SLC9C2: variants seen among roughly 807,000 people sequenced by gnomAD.
SLC9C2 encodes the protein solute carrier family 9 member C2 (putative), also known as sodium/hydrogen exchanger 11.
A neutral mutation model predicts 140.2 loss-of-function variants in SLC9C2; 75 were observed. The observed-to-expected ratio is 0.53, with a 90% CI of 0.44 to 0.65. SLC9C2 has a LOEUF of 0.65. SLC9C2 is among the 30% of genes least tolerant of loss of function. The probability of loss-of-function intolerance (pLI) is 0.00; values close to 1 mark genes in which losing one functional copy is unlikely to be tolerated. For synonymous variants in SLC9C2, 375 were observed against 420.9 expected (o/e 0.89, Z 1.34); for missense variants, 1,074 against 1,331.8 (o/e 0.81, Z 3.01).
chr1:173,526,209 A>G (rs946484243), intron 19 of SLC9C2, among the ~76,000 whole-genome samples: 1 of 152,250 alleles, frequency 6.6e-6, no homozygotes, highest in Non-Finnish European at 1.5e-5. Flanking sequence ...AAGTGGAGTG[A>G]CTGTAGATAC....
Position 173,502,208 on chromosome 1 carries a change from G to T in SLC9C2, c.3371+1058C>A, listed in dbSNP as rs61634578. 1.1e-3 allele frequency among the ~76,000 whole-genome samples: 169 copies of T among 147,264 alleles called. No homozygotes were observed. In the East Asian group the frequency reaches 0.015, roughly 13 times the overall value. On this transcript the variant is annotated intron_variant, in intron 27 of 27. Transcript: ENST00000367714. ...GAATCGCTTGAATCCAGGAAGCAAA[G>T]GTTGCAGTGAGTCAAGGTTGTGCCA...
At position 173,601,696 on chromosome 1, in the gene SLC9C2, T is replaced by C. The variant is rs746288232; in HGVS notation, c.81A>G (p.Glu27=). 35 of 1,613,980 alleles carry C rather than the reference T, an allele frequency of 2.2e-5. No homozygotes were observed. Among genetic ancestry groups the C allele is most frequent in the Non-Finnish European group, 3.0e-5 (35 of 1,179,982 alleles). The stretch of plus-strand genomic sequence containing the variant: ...ATACAAGCGTTGTGAAATGTTTCTC[T>C]TCAACAAGGTAGTCAGCTGGCTGCC... ...LCGQPADYLV[E]EKHFTTLVCF... is the part of the protein sequence containing the mutation. Residue 27 remains glutamate, a synonymous_variant, in exon 2 of 28, where the codon GAA becomes GAG. Coordinates refer to ENST00000367714, the MANE Select transcript of SLC9C2 (RefSeq NM_178527.4).
chr1:173,515,265 T>C (rs1480444658), intron 23 of SLC9C2, among the ~76,000 whole-genome samples: 2 of 152,194 alleles, frequency 1.3e-5, no homozygotes, highest in Admixed American at 1.3e-4. Flanking sequence ...TCCAACTTGG[T>C]TTCATTCTCC....
At position 173,557,430 on chromosome 1, in the gene SLC9C2, G is replaced by A. The variant is rs865793140; in HGVS notation, c.1125C>T (p.Ile375=). 6.2e-7 allele frequency: 1 copy of A among 1,613,826 alleles called. No homozygotes were observed. Among genetic ancestry groups the A allele is most frequent in the East Asian group, 2.2e-5 (1 of 44,850 alleles). Residue 375 remains isoleucine, a synonymous_variant, in exon 10 of 28, where the codon ATC becomes ATT. Transcript: ENST00000367714. ...YEYNWRWGVV[I]TWSGIKGVFN... is the part of the protein sequence containing the mutation. ...AAACTCCTTTAATTCCAGACCACGT[G>A]ATTACAACTCCCCATCGCCAATTAT... is the stretch of plus-strand genomic sequence containing the variant.
intron 9 of SLC9C2, among the ~76,000 whole-genome samples, chr1:173,568,872 T>C (rs1242570963): frequency 6.6e-6 from 1 of 152,220 alleles, no homozygotes; most frequent in Non-Finnish European, 1.5e-5. Flanking sequence ...GTATTCTATG[T>C]TTTTGTGTGT....
At chr1:173,520,906 C>T (rs1372097674) in intron 22 of SLC9C2, among the ~76,000 whole-genome samples, 1 of 152,180 alleles carries the variant, frequency 6.6e-6, no homozygotes, top group African/African-American at 2.4e-5. Context: ...ACTGAAATCT[C>T]TCTCCCTCTC....
At chr1:173,602,141 G>C (rs1666823374) in intron 1 of SLC9C2, among the ~76,000 whole-genome samples, 1 of 152,116 alleles carries the variant, frequency 6.6e-6, no homozygotes, top group African/African-American at 2.4e-5. Flanking sequence ...TTCCCCATTG[G>C]ACAGTGAGTT....
rs770415406 is a variant in SLC9C2 at position 173,576,717 on chromosome 1, T to C, written c.846A>G (p.Val282=). The C allele has an allele frequency of 1.7e-5, 27 of 1,609,590 alleles. No individual in the cohort carries two copies. In the South Asian group the frequency reaches 2.9e-4, roughly 17 times the overall value. Residue 282 remains valine, a synonymous_variant, in exon 8 of 28, where the codon GTA becomes GTG. Transcript: ENST00000367714. ...GMSGTLALAA[V]GLNLDSLTFK... ...AAGTTAAAGAATCTAAATTCAGTCC[T>C]ACAGCGGCTAAGGCAAGAGTGCCTG...
chr1:173,597,804 GACATTTTGTGAATTATT>G lies in SLC9C2; in HGVS notation c.357+83_357+99del, dbSNP rs1666526939. 4 of 1,199,190 alleles carry G rather than the reference GACATTTTGTGAATTATT, an allele frequency of 3.3e-6. No individual in the cohort carries two copies. In the East Asian group the frequency reaches 1.1e-4, roughly 32 times the overall value. 74.3% of individuals were successfully genotyped at this position (1,199,190 alleles called of 1,614,324 possible). On this transcript the variant is annotated intron_variant, in intron 4 of 27. Transcript: ENST00000367714. ...GAAGAGGGCAAAACAAATAAAATAT[GACATTTTGTGAATTATT>G]AATCATCTATATAGGCAGCCATATT...
chr1:173,583,548 CA>C lies in SLC9C2; in HGVS notation c.597del (p.Phe199LeufsTer19). ...TGGATTCTGTTGCCCCGAAAATTTCCAAAAAAAATTGATGCGATGCTACAAA... is the reference window on the plus strand; with the variant it reads ...TGGATTCTGTTGCCCCGAAAATTTCCAAAAAAATTGATGCGATGCTACAAA... ...LIICSIASIF[F>X]GNFRGNRIHF... On this transcript the variant is annotated frameshift_variant, in exon 6 of 28. Coordinates refer to ENST00000367714, the MANE Select transcript of SLC9C2 (RefSeq NM_178527.4). LOFTEE classifies it high-confidence loss of function. 22 of 1,607,028 alleles carry C rather than the reference CA, an allele frequency of 1.4e-5. No individual in the cohort carries two copies. The highest frequency in any genetic ancestry group is 4.5e-5 in the East Asian group (2 of 44,718).
intron 4 of SLC9C2, 48 bp downstream of exon 4, chr1:173,597,856 C>T (rs774400437): frequency 4.6e-6 from 7 of 1,508,684 alleles, no homozygotes; most frequent in Non-Finnish European, 5.3e-6. Context: ...TCTCTATCAA[C>T]GTGCATAAGC....
chr1:173,594,286 G>A (rs1666328351), intron 4 of SLC9C2, among the ~76,000 whole-genome samples: 1 of 152,120 alleles, frequency 6.6e-6, no homozygotes, highest in African/African-American at 2.4e-5. Flanking sequence ...ATACTATATA[G>A]TTTCACATAG....
intron 7 of SLC9C2, 134 bp downstream of exon 7, chr1:173,581,713 G>A: frequency 9.6e-6 from 6 of 622,498 alleles, no homozygotes; most frequent in Non-Finnish European, 1.5e-5. Context: ...CTAGAGGTAA[G>A]TAAAATAATA....
At chr1:173,590,898 T>A (rs1373314102) in intron 4 of SLC9C2, among the ~76,000 whole-genome samples, 17 of 152,200 alleles carry the variant, frequency 1.1e-4, no homozygotes, top group East Asian at 1.9e-4. Context: ...TATTTTCTTT[T>A]AAAAAAATAC....
rs113229107 is a variant in SLC9C2 at position 173,579,129 on chromosome 1, A to G, written c.803-2369T>C. Among the ~76,000 whole-genome samples the G allele has an allele frequency of 2.5e-4, 38 of 152,248 alleles. 1 individual carries two copies. Among genetic ancestry groups the G allele is most frequent in the African/African-American group, 8.7e-4 (36 of 41,550 alleles). ...GGTTAATGCTAAATTCCTACCTTCT[A>G]TCATTCATCCACACTCTGCAGTAAG... On this transcript the variant is annotated intron_variant, in intron 7 of 27. Coordinates refer to ENST00000367714, the MANE Select transcript of SLC9C2 (RefSeq NM_178527.4).
chr1:173,521,885 CAAA>C (rs58355008), intron 21 of SLC9C2, among the ~76,000 whole-genome samples: 14,744 of 75,956 alleles, frequency 0.19, 559 homozygotes, highest in East Asian at 0.34. Context: ...GGGCGCTATG[CAAA>C]AAAAAAAAAA....
At position 173,588,294 on chromosome 1, in the gene SLC9C2, G is replaced by A. The variant is rs539636318; in HGVS notation, c.358-464C>T. On this transcript the variant is annotated intron_variant, in intron 4 of 27. Transcript: ENST00000367714. ...GTAGTTCTGCAATAGAGAAAGGGAA[G>A]GCCATGAAATGCTTGAGATTAAGTG... is the stretch of plus-strand genomic sequence containing the variant. 2.0e-5 allele frequency among the ~76,000 whole-genome samples: 3 copies of A among 152,240 alleles called. No homozygotes were observed. The South Asian group carries it at 6.2e-4, about 32-fold the overall frequency.
At position 173,583,559 on chromosome 1, in the gene SLC9C2, G is replaced by A; in HGVS notation, c.587C>T (p.Ser196Leu). ...GCCCCGAAAATTTCCAAAAAAAATT[G>A]ATGCGATGCTACAAATGATCAATGA... ...GESLIICSIA[S>L]IFFGNFRGNR... Residue 196 changes from serine (S) to leucine (L), a missense_variant, in exon 6 of 28, where the codon TCA becomes TTA. Ser to Leu is a moderately radical substitution (Grantham distance 145). Coordinates refer to ENST00000367714, the MANE Select transcript of SLC9C2 (RefSeq NM_178527.4). 3.1e-6 allele frequency: 5 copies of A among 1,611,222 alleles called. No individual in the cohort carries two copies. The highest frequency in any genetic ancestry group is 4.2e-6 in the Non-Finnish European group (5 of 1,178,752).
intron 8 of SLC9C2, among the ~76,000 whole-genome samples, chr1:173,574,447 C>G (rs1665032140): frequency 1.3e-5 from 2 of 152,002 alleles, no homozygotes; most frequent in South Asian, 4.2e-4. Context: ...GACCTCAAAC[C>G]CCAGTGCATA....
Sources: allele counts gnomAD v4.1 joint callset (sites outside exome capture counted in the v4.1 genomes callset), GRCh38; gene constraint gnomAD v4.1.1; transcripts MANE v1.5; gene names NCBI Gene and HGNC (gene_info 2026-07-23, HGNC 2026-07-21).